The following MLLT10 variants were observed in gnomAD, a reference collection of about 807,000 sequenced individuals.
MLLT10 encodes the protein MLLT10 histone lysine methyltransferase DOT1L cofactor, also known as protein AF-10.
In MLLT10, 30 loss-of-function variants were observed where a neutral mutation model predicts 129.1. That is an observed-to-expected ratio of 0.23 (90% CI 0.17 to 0.32). MLLT10 has a LOEUF of 0.32. Ranked by LOEUF, MLLT10 falls within the 10% of genes least tolerant of loss-of-function variation. The probability of loss-of-function intolerance (pLI) is 1.00; values close to 1 mark genes in which losing one functional copy is unlikely to be tolerated. For synonymous variants in MLLT10, 490 were observed against 446.4 expected, an observed-to-expected ratio of 1.10 and a Z score of -1.23; for missense variants, 1,119 against 1,268.3, an observed-to-expected ratio of 0.88 and a Z score of 1.79.
chr10:21,562,053 G>T (rs567951552), intron 3 of MLLT10, among the ~76,000 whole-genome samples: 12 of 151,720 alleles, frequency 7.9e-5, no homozygotes, highest in African/African-American at 2.4e-4. Context: ...TGATCTGCCC[G>T]CCTCGGCCTT....
chr10:21,546,692 C>T (rs1479968915), intron 3 of MLLT10, among the ~76,000 whole-genome samples: 5 of 151,804 alleles, frequency 3.3e-5, no homozygotes, highest in South Asian at 2.1e-4. Context: ...CTCAGCCTCC[C>T]GAGTAGCTGG....
chr10:21,581,223 A>G (rs1358108545), intron 3 of MLLT10, among the ~76,000 whole-genome samples: 1 of 147,102 alleles, frequency 6.8e-6, no homozygotes, highest in Non-Finnish European at 1.5e-5. Flanking sequence ...TTTTTTTTGT[A>G]CTTTTAGTAG....
intron 6 of MLLT10, among the ~76,000 whole-genome samples, chr10:21,613,375 AT>A (rs2044866003): frequency 6.6e-6 from 1 of 152,106 alleles, no homozygotes; most frequent in African/African-American, 2.4e-5. Flanking sequence ...GTACATGCTC[AT>A]TTCCTGAGTT....
At chr10:21,692,595 T>A (rs1476458463) in intron 13 of MLLT10, among the ~76,000 whole-genome samples, 1 of 152,110 alleles carries the variant, frequency 6.6e-6, no homozygotes, top group Non-Finnish European at 1.5e-5. Context: ...TCCTCCTGCC[T>A]CAGCCTCTTG....
intron 14 of MLLT10, among the ~76,000 whole-genome samples, chr10:21,724,630 C>G (rs1431926739): frequency 6.6e-6 from 1 of 152,208 alleles, no homozygotes; most frequent in East Asian, 1.9e-4. Context: ...ATTTGTGGTT[C>G]TGTTAAATCT....
intron 13 of MLLT10, among the ~76,000 whole-genome samples, chr10:21,713,516 A>G (rs117920097): frequency 2.0e-5 from 3 of 152,170 alleles, no homozygotes; most frequent in South Asian, 2.1e-4. Flanking sequence ...ATTTTTTACA[A>G]AGCTCTTTCT....
chr10:21,726,163 A>G, intron 14 of MLLT10, 81 bp from the exon 15 acceptor site: 1 of 909,158 alleles, frequency 1.1e-6, no homozygotes, highest in Non-Finnish European at 1.6e-6. Flanking sequence ...GGAGAATATA[A>G]TTACTAGATC....
chr10:21,615,473 A>T, intron 7 of MLLT10, among the ~76,000 whole-genome samples: 1 of 135,498 alleles, frequency 7.4e-6, no homozygotes, highest in South Asian at 2.3e-4. Flanking sequence ...AAAAAAAAAA[A>T]AGAAAAAAAA....
intron 11 of MLLT10, among the ~76,000 whole-genome samples, chr10:21,674,544 A>G (rs1042631640): frequency 2.0e-5 from 3 of 152,218 alleles, no homozygotes; most frequent in African/African-American, 7.2e-5. Context: ...GTGAGTTGAT[A>G]TACATTGTTA....
chr10:21,602,800 C>T (rs1431050792), intron 5 of MLLT10, among the ~76,000 whole-genome samples: 1 of 151,714 alleles, frequency 6.6e-6, no homozygotes, highest in East Asian at 1.9e-4. Context: ...GCAATCTCGG[C>T]TCACTGCAAG....
At chr10:21,736,277 A>G (rs1487983553) in intron 21 of MLLT10, among the ~76,000 whole-genome samples, 2 of 152,056 alleles carry the variant, frequency 1.3e-5, no homozygotes, top group East Asian at 1.9e-4. Context: ...ACTGCCTGGA[A>G]TTGTGGTATA....
At chr10:21,539,207 T>C (rs559387986) in intron 3 of MLLT10, among the ~76,000 whole-genome samples, 8 of 152,306 alleles carry the variant, frequency 5.3e-5, no homozygotes, top group African/African-American at 1.7e-4. Flanking sequence ...AAGGTTACAC[T>C]GGCTAATCAT....
intron 21 of MLLT10, among the ~76,000 whole-genome samples, chr10:21,735,446 G>T (rs2058284143): frequency 2.0e-5 from 3 of 152,214 alleles, no homozygotes; most frequent in Admixed American, 2.0e-4. Context: ...GCATGGTGCT[G>T]CCATAGGCTC....
intron 5 of MLLT10, among the ~76,000 whole-genome samples, chr10:21,607,554 C>CT (rs2044186883): frequency 6.6e-6 from 1 of 152,106 alleles, no homozygotes; most frequent in South Asian, 2.1e-4. Context: ...CTCCTGACCC[C>CT]AGGTGATCCG....
At chr10:21,647,092 G>A (rs1277005437) in intron 8 of MLLT10, among the ~76,000 whole-genome samples, 1 of 152,060 alleles carries the variant, frequency 6.6e-6, no homozygotes, top group Non-Finnish European at 1.5e-5. Flanking sequence ...TCCCGACCTC[G>A]TGATCCGCCC....
chr10:21,724,433 T>C (rs1181811928), intron 14 of MLLT10, among the ~76,000 whole-genome samples: 1 of 152,272 alleles, frequency 6.6e-6, no homozygotes, highest in Non-Finnish European at 1.5e-5. Context: ...GTCTCTTGTG[T>C]GCAGTTATAC....
At chr10:21,717,737 T>TTCCTCCTCCTCTTCC (rs1564711410) in intron 14 of MLLT10, among the ~76,000 whole-genome samples, 1 of 19,036 alleles carries the variant, frequency 5.3e-5, no homozygotes, top group Non-Finnish European at 9.8e-5. Context: ...CCTCCTCCTC[T>TTCCTCCTCCTCTTCC]TCCTCCTCCT....
chr10:21,550,892 A>G (rs1010054564), intron 3 of MLLT10, among the ~76,000 whole-genome samples: 1 of 63,782 alleles, frequency 1.6e-5, no homozygotes, highest in Non-Finnish European at 3.3e-5. Flanking sequence ...TTATTCACAT[A>G]ATTAAAAATT....
chr10:21,587,710 A>G (rs2042122189), intron 4 of MLLT10, among the ~76,000 whole-genome samples: 1 of 152,168 alleles, frequency 6.6e-6, no homozygotes, highest in African/African-American at 2.4e-5. Context: ...GGCTAGAGTA[A>G]TGGTGTGAGT....
Sources: allele counts gnomAD v4.1 joint callset (sites outside exome capture counted in the v4.1 genomes callset), GRCh38; gene constraint gnomAD v4.1.1; transcripts MANE v1.5; gene names NCBI Gene and HGNC (gene_info 2026-07-23, HGNC 2026-07-21).